Variants in MCTP1 observed in about 807,000 individuals in gnomAD.
The protein encoded by MCTP1 is multiple C2 and transmembrane domain-containing protein 1.
Under a neutral mutation model 120.6 loss-of-function variants are expected in MCTP1, and 69 were observed. That is an observed-to-expected ratio of 0.57 (90% CI 0.47 to 0.70). The LOEUF (loss-of-function observed/expected upper bound fraction) is 0.70. MCTP1 is among the 30% of genes least tolerant of loss of function. The pLI is 0.00. For missense variants in MCTP1, 1,203 were observed against 1,248.8 expected, an observed-to-expected ratio of 0.96 and a Z score of 0.55; for synonymous variants, 529 against 493.1, an observed-to-expected ratio of 1.07 and a Z score of -0.96.
chr5:94,788,283 A>C (rs1339383229), intron 18 of MCTP1, among the ~76,000 whole-genome samples: 1 of 152,348 alleles, frequency 6.6e-6, no homozygotes, highest in East Asian at 1.9e-4. Flanking sequence ...TTTGGTCACT[A>C]AAACATACTG....
At chr5:94,709,432 A>G (rs561823608) in intron 21 of MCTP1, 1 of 152,216 alleles carries the variant, frequency 6.6e-6, no homozygotes, top group African/African-American at 2.4e-5. Context: ...TGCAGGTTAC[A>G]CAGCTAGATG....
At chr5:94,975,321 T>A (rs10038539) in intron 2 of MCTP1, among the ~76,000 whole-genome samples, 7,016 of 152,042 alleles carry the variant, frequency 0.046, 539 homozygotes, top group African/African-American at 0.16. Flanking sequence ...GCGATTAGGT[T>A]TGGATAAGGT....
At chr5:95,055,767 G>C (rs892123140) in intron 1 of MCTP1, among the ~76,000 whole-genome samples, 1 of 152,132 alleles carries the variant, frequency 6.6e-6, no homozygotes, top group Admixed American at 6.5e-5. Flanking sequence ...ATATCATTAG[G>C]CCTCAGTTTC....
intron 1 of MCTP1, among the ~76,000 whole-genome samples, chr5:95,097,986 G>A (rs1394632742): frequency 6.6e-6 from 1 of 152,072 alleles, no homozygotes; most frequent in African/African-American, 2.4e-5. Flanking sequence ...AATTAGCTTT[G>A]AGTAATAATA....
intron 1 of MCTP1, among the ~76,000 whole-genome samples, chr5:95,235,251 A>G (rs530846219): frequency 4.6e-5 from 7 of 152,050 alleles, no homozygotes; most frequent in African/African-American, 1.7e-4. Flanking sequence ...AAAGCACTTG[A>G]CAAAAAATCA....
At chr5:94,990,757 A>C (rs1831388244) in intron 2 of MCTP1, among the ~76,000 whole-genome samples, 1 of 152,210 alleles carries the variant, frequency 6.6e-6, no homozygotes, top group African/African-American at 2.4e-5. Flanking sequence ...TAGAATTCTT[A>C]TTCCACAAGT....
intron 1 of MCTP1, among the ~76,000 whole-genome samples, chr5:95,180,966 C>G (rs1369216294): frequency 6.6e-6 from 1 of 152,138 alleles, no homozygotes; most frequent in Non-Finnish European, 1.5e-5. Flanking sequence ...TCAGGATATA[C>G]CCTGAAGCTG....
At chr5:95,066,390 A>ACTGTTGAT (rs1379451103) in intron 1 of MCTP1, among the ~76,000 whole-genome samples, 3 of 152,208 alleles carry the variant, frequency 2.0e-5, no homozygotes, top group Admixed American at 6.5e-5. Context: ...ACCCATACAC[A>ACTGTTGAT]CTGTTGATGG....
intron 2 of MCTP1, among the ~76,000 whole-genome samples, chr5:94,985,801 T>C (rs950430532): frequency 4.6e-5 from 7 of 152,218 alleles, no homozygotes; most frequent in African/African-American, 1.7e-4. Context: ...AGTGTGTGTC[T>C]ATTACACTGT....
At chr5:95,007,143 T>C (rs1443223354) in intron 2 of MCTP1, among the ~76,000 whole-genome samples, 1 of 152,182 alleles carries the variant, frequency 6.6e-6, no homozygotes. Flanking sequence ...AAGCCCCTTA[T>C]ATAACCATCA....
At chr5:95,093,615 T>C (rs1756010917) in intron 1 of MCTP1, among the ~76,000 whole-genome samples, 1 of 152,174 alleles carries the variant, frequency 6.6e-6, no homozygotes, top group South Asian at 2.1e-4. Flanking sequence ...TAAATATATT[T>C]TTCATGTAAG....
chr5:95,009,204 G>C (rs1023590562), intron 2 of MCTP1, among the ~76,000 whole-genome samples: 2 of 151,888 alleles, frequency 1.3e-5, no homozygotes, highest in Non-Finnish European at 2.9e-5. Flanking sequence ...TCCAAGTTTG[G>C]AATAATTTGC....
intron 17 of MCTP1, among the ~76,000 whole-genome samples, chr5:94,802,472 C>A (rs1461140867): frequency 1.3e-5 from 2 of 152,110 alleles, no homozygotes; most frequent in African/African-American, 2.4e-5. Context: ...AAGAAAGGAG[C>A]TTTTTAGCTC....
chr5:94,855,239 T>C (rs1267162505), intron 17 of MCTP1, among the ~76,000 whole-genome samples: 1 of 151,858 alleles, frequency 6.6e-6, no homozygotes, highest in Non-Finnish European at 1.5e-5. Flanking sequence ...CATTCAGGAC[T>C]AAATTACAGA....
intron 17 of MCTP1, among the ~76,000 whole-genome samples, chr5:94,805,031 T>G (rs1782004780): frequency 6.6e-6 from 1 of 152,232 alleles, no homozygotes; most frequent in African/African-American, 2.4e-5. Flanking sequence ...GAACTCAAGT[T>G]AAAACAATTC....
At chr5:95,066,791 G>A (rs533134638) in intron 1 of MCTP1, among the ~76,000 whole-genome samples, 40 of 152,302 alleles carry the variant, frequency 2.6e-4, no homozygotes, top group Middle Eastern at 6.8e-3. Context: ...AATCTAAAAA[G>A]TTGATCCCAT....
Position 94,748,841 on chromosome 5 carries a change from T to C in MCTP1, c.2610+30269A>G, listed in dbSNP as rs192641296. ...AAAAAGAGAAGCAAATTGAACCTCATATATTTTACTATCCAAGAGGATATT... is the reference window on the plus strand; with the variant it reads ...AAAAAGAGAAGCAAATTGAACCTCACATATTTTACTATCCAAGAGGATATT... On this transcript the variant is annotated intron_variant, in intron 19 of 22. Coordinates refer to ENST00000515393, the MANE Select transcript of MCTP1 (RefSeq NM_024717.7). 2.0e-3 allele frequency among the ~76,000 whole-genome samples: 301 copies of C among 152,338 alleles called. 1 individual carries two copies. Among genetic ancestry groups the C allele is most frequent in the African/African-American group, 6.5e-3 (271 of 41,580 alleles).
At chr5:94,905,629 T>C in intron 10 of MCTP1, among the ~76,000 whole-genome samples, 1 of 152,238 alleles carries the variant, frequency 6.6e-6, no homozygotes, top group East Asian at 1.9e-4. Flanking sequence ...TCAAACATGG[T>C]TCCACGATTT....
intron 11 of MCTP1, among the ~76,000 whole-genome samples, chr5:94,893,704 T>A (rs959400601): frequency 6.6e-6 from 1 of 152,196 alleles, no homozygotes; most frequent in Admixed American, 6.5e-5. Flanking sequence ...ATAAGGTACA[T>A]CTTTATTAAA....
Sources: allele counts gnomAD v4.1 joint callset (sites outside exome capture counted in the v4.1 genomes callset), GRCh38; gene constraint gnomAD v4.1.1; transcripts MANE v1.5; gene names NCBI Gene and HGNC (gene_info 2026-07-23, HGNC 2026-07-21).